The following WDR18 variants were observed in gnomAD, a reference collection of about 807,000 sequenced individuals.
WDR18 encodes WD repeat domain 18.
WDR18 carries 33 observed loss-of-function variants against 49.6 expected under a neutral mutation model. That is an observed-to-expected ratio of 0.67 (90% CI 0.50 to 0.89). The LOEUF (loss-of-function observed/expected upper bound fraction) is 0.89. Among genes scored for constraint, WDR18 ranks in the 40% least tolerant of loss-of-function variants. The pLI is 0.00. For missense variants in WDR18, 653 were observed against 593.6 expected, an observed-to-expected ratio of 1.10 and a Z score of -1.04; for synonymous variants, 315 against 263.6, an observed-to-expected ratio of 1.19 and a Z score of -1.89.
rs755456482 is a variant in WDR18, at chr19:993,988, G to A, written c.1099-32G>A. 1.6e-5 allele frequency: 25 copies of A among 1,547,658 alleles called. No homozygotes were observed. In the East Asian group the frequency reaches 3.4e-4, roughly 21 times the overall value. On this transcript the variant is annotated intron_variant, in intron 8 of 9. Coordinates refer to ENST00000585809, the MANE Select transcript of WDR18 (RefSeq NM_024100.4). ...AAGCGTGTGGTGTGTGACAGGACGCGCCCCGAGGTCACGTGGCTCCCTGTG... is the reference window on the plus strand; with the variant it reads ...AAGCGTGTGGTGTGTGACAGGACGCACCCCGAGGTCACGTGGCTCCCTGTG...
At chr19:988,727 C>T (rs1431404227) in intron 2 of WDR18, among the ~76,000 whole-genome samples, 2 of 152,148 alleles carry the variant, frequency 1.3e-5, no homozygotes, top group Non-Finnish European at 2.9e-5. Flanking sequence ...CGGTGGTGGC[C>T]GGCACCCCTT....
chr19:986,872 C>T (rs2038480860), intron 2 of WDR18, among the ~76,000 whole-genome samples: 1 of 152,168 alleles, frequency 6.6e-6, no homozygotes, highest in Admixed American at 6.5e-5. Flanking sequence ...CATTATATTT[C>T]GGGGGAGACC....
At chr19:993,268 C>T (rs1028358675) in intron 8 of WDR18, among the ~76,000 whole-genome samples, 13 of 152,250 alleles carry the variant, frequency 8.5e-5, no homozygotes, top group Admixed American at 2.6e-4. Context: ...CGGCCACTGC[C>T]TCCTCCTAGG....
chr19:994,256 A>T lies in WDR18; in HGVS notation c.1211A>T (p.Glu404Val). 1 of 1,609,128 alleles carries T rather than the reference A, an allele frequency of 6.2e-7. No individual in the cohort carries two copies. The change falls in exon 10 of 10, where the codon GAG becomes GTG. Residue 404 changes from glutamate to valine, a missense_variant. Coordinates refer to ENST00000585809, the MANE Select transcript of WDR18 (RefSeq NM_024100.4). ...GQDQLRVRVT[E>V]LEDEVRNLRK... The stretch of plus-strand genomic sequence containing the variant: ...GACCAGCTGCGCGTCCGTGTGACGG[A>T]GCTGGAGGACGAGGTGCGCAACCTG...
Position 991,008 on chromosome 19 carries a change from G to C in WDR18, c.741+13G>C, listed in dbSNP as rs764045140. ...CCTCTTCACCTGGGTGAGTGCCGCG[G>C]TCTGCGGGCTGCACCCTGCCCTGGG... On this transcript the variant is annotated intron_variant, in intron 5 of 9. Transcript: ENST00000585809. 1 of 1,604,164 alleles carries C rather than the reference G, an allele frequency of 6.2e-7. No individual in the cohort carries two copies. The highest frequency in any genetic ancestry group is 2.2e-5 in the East Asian group (1 of 44,776).
rs531773746 is a variant in WDR18 at position 989,604 on chromosome 19, C to T, written c.322-158C>T. 5.3e-5 allele frequency among the ~76,000 whole-genome samples: 8 copies of T among 152,274 alleles called. No homozygotes were observed. The East Asian group carries it at 5.8e-4, about 11-fold the overall frequency. ...ACGAGGCCCCGCTGTACCTGCTGGC[C>T]GCTGCCCTGACAGGGTCACCCCGCA... is the stretch of plus-strand genomic sequence containing the variant. On this transcript the variant is annotated intron_variant, in intron 2 of 9. Coordinates refer to ENST00000585809, the MANE Select transcript of WDR18 (RefSeq NM_024100.4).
chr19:993,887 C>T, intron 8 of WDR18, 133 bp from the exon 9 acceptor site: 1 of 980,592 alleles, frequency 1.0e-6, no homozygotes, highest in East Asian at 2.6e-5. Context: ...TCTCAGTCTT[C>T]CCTTCTGTCT....
chr19:992,784 C>T (rs938214324), intron 8 of WDR18, among the ~76,000 whole-genome samples: 3 of 152,350 alleles, frequency 2.0e-5, no homozygotes, highest in African/African-American at 4.8e-5. Flanking sequence ...GGAGGCTTCC[C>T]AGTGTGTTTC....
intron 8 of WDR18, among the ~76,000 whole-genome samples, chr19:992,324 G>A (rs532534654): frequency 6.6e-6 from 1 of 152,346 alleles, no homozygotes; most frequent in Admixed American, 6.5e-5. Context: ...GCTCTGAGAA[G>A]TTAACCACCC....
intron 8 of WDR18, among the ~76,000 whole-genome samples, chr19:992,623 G>A (rs890439492): frequency 3.9e-5 from 6 of 152,286 alleles, no homozygotes; most frequent in African/African-American, 7.2e-5. Context: ...ACCGACCCCC[G>A]CTCTGTGCAG....
chr19:983,383 C>T (rs2038438035), upstream of WDR18, among the ~76,000 whole-genome samples: 1 of 152,080 alleles, frequency 6.6e-6, no homozygotes, highest in South Asian at 2.1e-4. Flanking sequence ...CCTCCGCCTC[C>T]CGGGTTCAAG....
Position 994,402 on chromosome 19 carries a change from A to G in WDR18, c.*58A>G. On this transcript the variant is annotated 3_prime_UTR_variant, in exon 10 of 10. Coordinates refer to ENST00000585809, the MANE Select transcript of WDR18 (RefSeq NM_024100.4). ...CTGAGCCCCATGCCTCCCAGCAACC[A>G]GGGCCCGCGGGTGTGGCCCCCACCA... 1.9e-6 allele frequency: 3 copies of G among 1,550,144 alleles called. No individual in the cohort carries two copies. The highest frequency in any genetic ancestry group is 2.7e-5 in the African/African-American group (2 of 73,536).
intron 8 of WDR18, 28 bp from the exon 9 acceptor site, chr19:993,992 C>T (rs1189637465): frequency 5.2e-6 from 8 of 1,548,624 alleles, no homozygotes; most frequent in Middle Eastern, 1.7e-4. Flanking sequence ...GGACGCGCCC[C>T]GAGGTCACGT....
chr19:988,163 C>T (rs1385032950), intron 2 of WDR18, among the ~76,000 whole-genome samples: 1 of 151,848 alleles, frequency 6.6e-6, no homozygotes, highest in Non-Finnish European at 1.5e-5. Context: ...GAGCTGTGAC[C>T]ATGAAGGGGT....
rs1338171708 is a variant in WDR18 at position 992,102 on chromosome 19, G to T, written c.1079G>T (p.Arg360Leu). ...CCGCGCCACGGGGGCCTCACTCTGC[G>T]CCTGGGCCTCCACCAGCAGGTACGG... ...DEPRHGGLTL[R>L]LGLHQQGSEP... The change falls in exon 8 of 10, where the codon CGC becomes CTC. Residue 360 changes from arginine to leucine, a missense_variant. Coordinates refer to ENST00000585809, the MANE Select transcript of WDR18 (RefSeq NM_024100.4). 1.0e-5 allele frequency: 15 copies of T among 1,503,184 alleles called. No individual in the cohort carries two copies. The highest frequency in any genetic ancestry group is 5.1e-5 in the South Asian group (4 of 78,160). The allele number at this position is 1,503,184 out of a possible 1,614,324, so 93.1% of individuals were successfully genotyped here.
upstream of WDR18, among the ~76,000 whole-genome samples, chr19:983,670 A>G (rs920200402): frequency 7.2e-5 from 11 of 151,784 alleles, no homozygotes; most frequent in African/African-American, 2.7e-4. Flanking sequence ...TTTGACCTAC[A>G]CCAAGCTATC....
chr19:988,817 C>T (rs947238638), intron 2 of WDR18, among the ~76,000 whole-genome samples: 1 of 152,160 alleles, frequency 6.6e-6, no homozygotes, highest in Non-Finnish European at 1.5e-5. Flanking sequence ...GTTTGCACTT[C>T]TCTCAGCTTA....
chr19:983,513 C>T (rs1409459206), upstream of WDR18, among the ~76,000 whole-genome samples: 2 of 151,282 alleles, frequency 1.3e-5, no homozygotes, highest in African/African-American at 2.4e-5. Context: ...CCACCCACCT[C>T]GGCCTCCCAA....
Position 991,062 on chromosome 19 carries a change from CA to C in WDR18, c.742-18del, listed in dbSNP as rs2038538750. 6.2e-7 allele frequency: 1 copy of C among 1,602,264 alleles called. No individual in the cohort carries two copies. The highest frequency in any genetic ancestry group is 1.3e-5 in the African/African-American group (1 of 74,772). On this transcript the variant is annotated intron_variant, in intron 5 of 9. Transcript: ENST00000585809. ...GAGGGCATCGGGCCTGCGGCTCACACACGTCTCGGCCTTCGCAGCCCGGACA... is the reference window on the plus strand; with the variant it reads ...GAGGGCATCGGGCCTGCGGCTCACACCGTCTCGGCCTTCGCAGCCCGGACA...
Sources: gnomAD v4.1 joint callset for allele counts (sites outside exome capture counted in the v4.1 genomes callset) on GRCh38, gnomAD v4.1.1 for gene constraint, MANE v1.5 for transcripts, NCBI Gene and HGNC (gene_info 2026-07-23, HGNC 2026-07-21) for gene names.